Variants in ADAM22 observed in about 807,000 individuals in gnomAD.
ADAM22 encodes disintegrin and metalloproteinase domain-containing protein 22.
Under a neutral mutation model 144.6 loss-of-function variants are expected in ADAM22, and 65 were observed. The ratio of observed to expected loss-of-function variants is 0.45; its 90% CI spans 0.37 to 0.55. ADAM22 has a LOEUF of 0.55. ADAM22 is among the 20% of genes least tolerant of loss of function. The probability of loss-of-function intolerance (pLI) is 0.00; values close to 1 mark genes in which losing one functional copy is unlikely to be tolerated. For missense variants in ADAM22, 974 were observed against 1,184.9 expected, an observed-to-expected ratio of 0.82 and a Z score of 2.61; for synonymous variants, 391 against 412.6, an observed-to-expected ratio of 0.95 and a Z score of 0.63.
At chr7:88,158,113 A>T (rs1200880463) in intron 22 of ADAM22, among the ~76,000 whole-genome samples, 1 of 152,196 alleles carries the variant, frequency 6.6e-6, no homozygotes, top group Non-Finnish European at 1.5e-5. Context: ...CTAATTTCAG[A>T]CAAAACAGAC....
At chr7:88,187,769 C>G (rs1254693809) in intron 30 of ADAM22, among the ~76,000 whole-genome samples, 1 of 152,148 alleles carries the variant, frequency 6.6e-6, no homozygotes, top group Non-Finnish European at 1.5e-5. Flanking sequence ...GGTGGACTCT[C>G]TCTTCCAGTG....
chr7:87,991,727 C>T lies in ADAM22; in HGVS notation c.323+13315C>T, dbSNP rs537273672. On this transcript the variant is annotated intron_variant, in intron 3 of 31. Transcript: ENST00000413139. ...CAAATCAGTGACAAGCATTTCAATT[C>T]TTTGACTTTTGGGAGGATTGCTTTG... Among the ~76,000 whole-genome samples the T allele has an allele frequency of 4.6e-5, 7 of 152,286 alleles. No homozygotes were observed. In the South Asian group the frequency reaches 1.0e-3, roughly 23 times the overall value.
At chr7:88,120,948 G>A (rs928582261) in intron 7 of ADAM22, among the ~76,000 whole-genome samples, 17 of 152,084 alleles carry the variant, frequency 1.1e-4, no homozygotes, top group Middle Eastern at 3.4e-3. Flanking sequence ...ATGGTGAAAA[G>A]TAGGGGTTAA....
chr7:88,147,545 A>T (rs902465436), intron 17 of ADAM22, among the ~76,000 whole-genome samples: 2 of 152,234 alleles, frequency 1.3e-5, no homozygotes, highest in Admixed American at 6.5e-5. Context: ...ATTTATAAAG[A>T]TAGGCAATCA....
chr7:87,941,395 G>A (rs470), intron 2 of ADAM22, among the ~76,000 whole-genome samples: 150,637 of 152,308 alleles, frequency 0.99, 74,491 homozygotes, highest in East Asian at 1. Context: ...TTCATTGAGG[G>A]GCACTGAGTC....
chr7:88,030,039 C>A (rs1238626547), intron 3 of ADAM22, among the ~76,000 whole-genome samples: 1 of 152,066 alleles, frequency 6.6e-6, no homozygotes, highest in South Asian at 2.1e-4. Flanking sequence ...CTGTTATTAT[C>A]CCTTTGAATA....
At chr7:88,109,902 G>T (rs1427633045) in intron 5 of ADAM22, among the ~76,000 whole-genome samples, 1 of 152,148 alleles carries the variant, frequency 6.6e-6, no homozygotes, top group Non-Finnish European at 1.5e-5. Context: ...ATCTAGGAAA[G>T]AGAGCTAATG....
chr7:87,984,749 C>T lies in ADAM22; in HGVS notation c.323+6337C>T, dbSNP rs148996497. ...AGTCTGGAGTGCAATGGCGTGATCT[C>T]GGCTTACTACAGCCTCAACCCCCTG... On this transcript the variant is annotated intron_variant, in intron 3 of 31. Transcript: ENST00000413139. 2.8e-3 allele frequency among the ~76,000 whole-genome samples: 419 copies of T among 152,166 alleles called. 2 individuals carry two copies. The highest frequency in any genetic ancestry group is 7.0e-3 in the African/African-American group (289 of 41,498).
chr7:87,938,935 C>T (rs1344996522), intron 2 of ADAM22, among the ~76,000 whole-genome samples: 1 of 152,202 alleles, frequency 6.6e-6, no homozygotes, highest in African/African-American at 2.4e-5. Context: ...AGGCGTGAAC[C>T]ACCGCGGCTG....
chr7:88,053,572 G>A (rs1401242376), intron 3 of ADAM22, among the ~76,000 whole-genome samples: 1 of 126,084 alleles, frequency 7.9e-6, no homozygotes, highest in Non-Finnish European at 1.7e-5. Context: ...AAGAAGGAAG[G>A]AGGAAAGGAA....
chr7:88,166,352 A>G (rs568926795), intron 24 of ADAM22, among the ~76,000 whole-genome samples: 19 of 152,284 alleles, frequency 1.2e-4, no homozygotes, highest in African/African-American at 4.6e-4. Flanking sequence ...TTATTATAGA[A>G]TCTCATTGTT....
intron 3 of ADAM22, among the ~76,000 whole-genome samples, chr7:88,031,380 C>A (rs930975880): frequency 1.3e-5 from 2 of 152,052 alleles, no homozygotes; most frequent in Admixed American, 6.6e-5. Context: ...TTGTTGTGAC[C>A]AAAATGCTGA....
chr7:88,114,464 G>GGGACT, intron 5 of ADAM22, 120 bp from the exon 6 acceptor site: 1 of 804,638 alleles, frequency 1.2e-6, no homozygotes, highest in East Asian at 2.5e-5. Flanking sequence ...GGTGATGGAT[G>GGGACT]GGACTGGGAA....
intron 29 of ADAM22, 106 bp downstream of exon 29, chr7:88,182,130 C>A (rs1253194020): frequency 1.9e-6 from 2 of 1,032,874 alleles, no homozygotes; most frequent in Admixed American, 2.6e-5. Flanking sequence ...TGTCTCCGGT[C>A]TTGGTTTTGT....
intron 2 of ADAM22, 49 bp downstream of exon 2, chr7:87,935,235 C>G (rs1332521287): frequency 7.3e-6 from 11 of 1,500,490 alleles, no homozygotes; most frequent in Non-Finnish European, 8.9e-6. Flanking sequence ...CCGGCCCACC[C>G]GAGACCCCAC....
chr7:88,149,775 G>GAA (rs1292633254), intron 18 of ADAM22, among the ~76,000 whole-genome samples: 2 of 152,156 alleles, frequency 1.3e-5, no homozygotes, highest in African/African-American at 4.8e-5. Flanking sequence ...GAAGGTGAAA[G>GAA]AATAGTATTT....
At chr7:88,001,754 A>G (rs1194035655) in intron 3 of ADAM22, among the ~76,000 whole-genome samples, 7 of 151,876 alleles carry the variant, frequency 4.6e-5, no homozygotes, top group African/African-American at 1.5e-4. Flanking sequence ...ATGGTGGCCT[A>G]ATAATGCCTA....
rs1218815657 is a variant in ADAM22, at chr7:88,201,738, ATG to A, written c.*5253_*5254del. 2 of 152,302 alleles carry A rather than the reference ATG, an allele frequency of 1.3e-5. No individual in the cohort carries two copies. Among genetic ancestry groups the A allele is most frequent in the Admixed American group, 1.3e-4 (2 of 15,288 alleles). The allele number at this position is 152,302 out of a possible 1,614,324, so 9.4% of individuals were successfully genotyped here. Reference sequence around the variant, plus strand: ...ATCCTTGAAATCAAAACCAGGCAATATGTGTGTTTTTGGTTTTGTTTTACAAA... The same window carrying A: ...ATCCTTGAAATCAAAACCAGGCAATATGTGTTTTTGGTTTTGTTTTACAAA... On this transcript the variant is annotated 3_prime_UTR_variant, in exon 32 of 32. Coordinates refer to ENST00000413139, the MANE Select transcript of ADAM22 (RefSeq NM_001324418.2).
At chr7:88,120,667 CT>C (rs1829064564) in intron 7 of ADAM22, among the ~76,000 whole-genome samples, 1 of 152,138 alleles carries the variant, frequency 6.6e-6, no homozygotes, top group African/African-American at 2.4e-5. Context: ...CTTACATATT[CT>C]AGATAGAAGG....
Sources: allele counts gnomAD v4.1 joint callset (sites outside exome capture counted in the v4.1 genomes callset), GRCh38; gene constraint gnomAD v4.1.1; transcripts MANE v1.5; gene names NCBI Gene and HGNC (gene_info 2026-07-23, HGNC 2026-07-21).